The following LMAN2L variants were observed in gnomAD, a reference collection of about 807,000 sequenced individuals.
LMAN2L encodes the protein VIP36-like protein.
A neutral mutation model predicts 44.3 loss-of-function variants in LMAN2L; 30 were observed. That is an observed-to-expected ratio of 0.68 (90% CI 0.51 to 0.92). LMAN2L has a LOEUF of 0.92. LMAN2L is among the 40% of genes least tolerant of loss of function. The probability of loss-of-function intolerance (pLI) is 0.00; values close to 1 mark genes in which losing one functional copy is unlikely to be tolerated. For missense variants in LMAN2L, 429 were observed against 446.1 expected (o/e 0.96, Z 0.35); for synonymous variants, 183 against 171.1 (o/e 1.07, Z -0.54).
At chr2:96,728,209 C>A (rs1004472566) in intron 4 of LMAN2L, among the ~76,000 whole-genome samples, 2 of 152,150 alleles carry the variant, frequency 1.3e-5, no homozygotes, top group African/African-American at 2.4e-5. Context: ...TTGCACTGGC[C>A]AGGCGCGGTG....
intron 4 of LMAN2L, among the ~76,000 whole-genome samples, chr2:96,718,553 T>C (rs1260835855): frequency 1.3e-5 from 2 of 152,168 alleles, no homozygotes; most frequent in Non-Finnish European, 1.5e-5. Flanking sequence ...GTGAAGCATC[T>C]CCCACCACAC....
At chr2:96,709,938 A>G (rs1448685580) in intron 6 of LMAN2L, among the ~76,000 whole-genome samples, 2 of 152,228 alleles carry the variant, frequency 1.3e-5, no homozygotes, top group Non-Finnish European at 2.9e-5. Context: ...TTTCCATTAA[A>G]AAGTACGTCA....
At chr2:96,732,599 G>C (rs1161080567) in intron 4 of LMAN2L, among the ~76,000 whole-genome samples, 1 of 149,734 alleles carries the variant, frequency 6.7e-6, no homozygotes, top group East Asian at 2.0e-4. Context: ...AGCCGAGATC[G>C]CGCCACTGCA....
chr2:96,731,635 G>A (rs189287353), intron 4 of LMAN2L, among the ~76,000 whole-genome samples: 58 of 151,986 alleles, frequency 3.8e-4, no homozygotes, highest in African/African-American at 1.3e-3. Context: ...GGAGACGAGC[G>A]AGACTCCATC....
chr2:96,715,597 GAGAA>G (rs2078024391), intron 4 of LMAN2L, among the ~76,000 whole-genome samples: 1 of 152,188 alleles, frequency 6.6e-6, no homozygotes, highest in Non-Finnish European at 1.5e-5. Flanking sequence ...CACCAGAAAG[GAGAA>G]ACTCTCACCT....
intron 4 of LMAN2L, among the ~76,000 whole-genome samples, chr2:96,727,763 T>C (rs2078300129): frequency 1.3e-5 from 2 of 152,240 alleles, no homozygotes; most frequent in African/African-American, 2.4e-5. Context: ...ACCTGCTCCT[T>C]GTCTTCCTTG....
At chr2:96,732,408 G>A (rs1404367410) in intron 4 of LMAN2L, among the ~76,000 whole-genome samples, 1 of 151,682 alleles carries the variant, frequency 6.6e-6, no homozygotes, top group Non-Finnish European at 1.5e-5. Context: ...CACTTTGGGA[G>A]GCCGAGACAG....
chr2:96,713,471 A>T (rs773212753), intron 4 of LMAN2L, among the ~76,000 whole-genome samples: 9 of 152,196 alleles, frequency 5.9e-5, no homozygotes, highest in Non-Finnish European at 1.3e-4. Context: ...TTTATAAAAC[A>T]CATAGCAGTA....
chr2:96,713,223 G>T, intron 4 of LMAN2L: 2 of 1,204,576 alleles, frequency 1.7e-6, no homozygotes, highest in South Asian at 2.6e-5. Flanking sequence ...AGCCACAGAA[G>T]AGCTATGACC....
At chr2:96,722,722 A>G (rs1043434235) in intron 4 of LMAN2L, among the ~76,000 whole-genome samples, 1 of 152,242 alleles carries the variant, frequency 6.6e-6, no homozygotes, top group Non-Finnish European at 1.5e-5. Flanking sequence ...GAACATTCAT[A>G]TAAAAGTTTT....
intron 4 of LMAN2L, among the ~76,000 whole-genome samples, chr2:96,718,590 T>C (rs1256082686): frequency 1.3e-5 from 2 of 152,202 alleles, no homozygotes; most frequent in Non-Finnish European, 2.9e-5. Flanking sequence ...CTGGGATCAC[T>C]AGCGGAACAC....
chr2:96,721,934 G>A (rs566688691), intron 4 of LMAN2L, among the ~76,000 whole-genome samples: 3 of 152,138 alleles, frequency 2.0e-5, no homozygotes, highest in South Asian at 2.1e-4. Context: ...GGGTGGTTTC[G>A]GGATGATTCA....
chr2:96,733,637 A>C (rs2078452961), intron 3 of LMAN2L, 36 bp from the exon 4 acceptor site: 1 of 1,529,038 alleles, frequency 6.5e-7, no homozygotes, highest in African/African-American at 1.4e-5. Context: ...CAATGAAATA[A>C]AGCTAAGAGT....
At chr2:96,707,593 A>G (rs1279582930) in intron 7 of LMAN2L, 121 bp downstream of exon 7, 7 of 1,334,186 alleles carry the variant, frequency 5.2e-6, no homozygotes, top group Non-Finnish European at 7.2e-6. Flanking sequence ...AAGGCAGATG[A>G]AAGTGCTCCC....
chr2:96,739,578 C>T (rs547811925), intron 1 of LMAN2L, among the ~76,000 whole-genome samples: 3 of 152,294 alleles, frequency 2.0e-5, no homozygotes, highest in South Asian at 2.1e-4. Flanking sequence ...AATTCTCTCC[C>T]CTTCCCAAAC....
intron 6 of LMAN2L, among the ~76,000 whole-genome samples, chr2:96,708,553 C>T (rs558459574): frequency 2.6e-5 from 4 of 152,288 alleles, no homozygotes; most frequent in East Asian, 3.9e-4. Flanking sequence ...GATAAAACCA[C>T]AATTAAATCC....
chr2:96,707,354 T>G lies in LMAN2L; in HGVS notation c.949A>C (p.Ile317Leu), dbSNP rs758856751. The change falls in exon 8 of 8, where the codon ATC becomes CTC. Residue 317 changes from isoleucine (I) to leucine (L), a missense_variant. Physicochemically the swap from Ile to Leu is conservative, Grantham distance 5 (BLOSUM62 2). Coordinates refer to ENST00000264963, the MANE Select transcript of LMAN2L (RefSeq NM_030805.4). The part of the protein sequence containing the change: ...PPLSGLALFL[I>L]VFFSLVFSVF... The stretch of plus-strand genomic sequence containing the variant: ...GAAAACACCAGGGAGAAAAAGACGA[T>G]GAGGAAGAGGGCCAGGCCACTCAGG... 6.2e-7 allele frequency: 1 copy of G among 1,613,558 alleles called. No homozygotes were observed. The highest frequency in any genetic ancestry group is 8.5e-7 in the Non-Finnish European group (1 of 1,179,816).
At chr2:96,736,148 C>T (rs1316871928) in intron 2 of LMAN2L, among the ~76,000 whole-genome samples, 2 of 152,196 alleles carry the variant, frequency 1.3e-5, no homozygotes, top group Non-Finnish European at 2.9e-5. Flanking sequence ...TCACTGATTC[C>T]TGGCCTCCTA....
intron 3 of LMAN2L, among the ~76,000 whole-genome samples, 157 bp from the exon 4 acceptor site, chr2:96,733,758 A>G (rs2078455707): frequency 1.3e-5 from 2 of 152,258 alleles, no homozygotes. Context: ...AGCAAAGTGC[A>G]TGGCCTGTAA....
Sources: gnomAD v4.1 joint callset for allele counts (sites outside exome capture counted in the v4.1 genomes callset) on GRCh38, gnomAD v4.1.1 for gene constraint, MANE v1.5 for transcripts, NCBI Gene and HGNC (gene_info 2026-07-23, HGNC 2026-07-21) for gene names.